LHFPL3: variants seen among roughly 807,000 people sequenced by gnomAD.
The protein encoded by LHFPL3 is LHFPL tetraspan subfamily member 3 protein.
Under a neutral mutation model 19.3 loss-of-function variants are expected in LHFPL3, and 5 were observed. The observed-to-expected ratio is 0.26, with a 90% confidence interval of 0.14 to 0.54. The LOEUF is 0.54. Ranked by LOEUF, LHFPL3 falls within the 20% of genes least tolerant of loss-of-function variation. The pLI is 0.94. For missense variants in LHFPL3, 249 were observed against 307.4 expected (o/e 0.81, Z 1.42); for synonymous variants, 133 against 126.2 (o/e 1.05, Z -0.36).
chr7:104,874,070 G>C (rs1035174878), intron 2 of LHFPL3, among the ~76,000 whole-genome samples: 2 of 152,228 alleles, frequency 1.3e-5, no homozygotes, highest in Admixed American at 6.5e-5. Context: ...GGCATACCCA[G>C]AAATGTGCTA....
At chr7:104,662,006 C>T (rs978026299) in intron 1 of LHFPL3, among the ~76,000 whole-genome samples, 4 of 152,128 alleles carry the variant, frequency 2.6e-5, no homozygotes, top group East Asian at 2.0e-4. Context: ...GTAGCATCTA[C>T]GGCATGGATC....
chr7:104,690,789 A>G (rs1319908621), intron 1 of LHFPL3, among the ~76,000 whole-genome samples: 1 of 152,204 alleles, frequency 6.6e-6, no homozygotes, highest in Non-Finnish European at 1.5e-5. Context: ...ACTCCAGCCC[A>G]TTTATTGAGT....
rs117276923 is a variant in LHFPL3 at position 104,821,425 on chromosome 7, T to C, written c.682+84514T>C. Among the ~76,000 whole-genome samples the C allele has an allele frequency of 4.8e-3, 726 of 152,340 alleles. 1 individual carries two copies. The highest frequency in any genetic ancestry group is 9.0e-3 in the Non-Finnish European group (610 of 68,026). Reference sequence around the variant, plus strand: ...TGGGCAAGAGCCGGTTTCATGCAGATTCACTGTCAAGTGAAGGCTGAGGTA... The same window carrying C: ...TGGGCAAGAGCCGGTTTCATGCAGACTCACTGTCAAGTGAAGGCTGAGGTA... On this transcript the variant is annotated intron_variant, in intron 2 of 2. Transcript: ENST00000424859.
chr7:104,463,686 A>G (rs1290781152), intron 1 of LHFPL3, among the ~76,000 whole-genome samples: 1 of 152,218 alleles, frequency 6.6e-6, no homozygotes, highest in African/African-American at 2.4e-5. Context: ...AGCCCCTTAT[A>G]AAATGATCAG....
At chr7:104,619,375 A>T (rs1791402811) in intron 1 of LHFPL3, among the ~76,000 whole-genome samples, 1 of 152,096 alleles carries the variant, frequency 6.6e-6, no homozygotes, top group African/African-American at 2.4e-5. Context: ...AAAACTTCTA[A>T]TGTAATGCCA....
At chr7:104,654,834 A>T (rs1584463177) in intron 1 of LHFPL3, among the ~76,000 whole-genome samples, 1 of 152,198 alleles carries the variant, frequency 6.6e-6, no homozygotes, top group Admixed American at 6.5e-5. Flanking sequence ...TCTTCACCCC[A>T]CCAGCCCCTT....
chr7:104,588,525 T>C (rs914854334), intron 1 of LHFPL3, among the ~76,000 whole-genome samples: 15 of 152,166 alleles, frequency 9.9e-5, no homozygotes, highest in Non-Finnish European at 2.1e-4. Flanking sequence ...TGTAGCCTTG[T>C]AGTGTAGTTT....
At chr7:104,495,103 TA>T (rs1470902913) in intron 1 of LHFPL3, among the ~76,000 whole-genome samples, 1 of 152,236 alleles carries the variant, frequency 6.6e-6, no homozygotes, top group Non-Finnish European at 1.5e-5. Context: ...CTTTCTCTCC[TA>T]ATGGGTTTCC....
intron 2 of LHFPL3, among the ~76,000 whole-genome samples, chr7:104,743,160 G>C (rs1209023876): frequency 6.6e-6 from 1 of 151,900 alleles, no homozygotes; most frequent in Non-Finnish European, 1.5e-5. Context: ...AAGGGGAAGG[G>C]GCTCTAGGAT....
intron 1 of LHFPL3, among the ~76,000 whole-genome samples, chr7:104,444,361 T>G (rs1449501626): frequency 6.6e-6 from 1 of 152,216 alleles, no homozygotes; most frequent in Non-Finnish European, 1.5e-5. Flanking sequence ...AGGTTGTGAT[T>G]GCACTGAAAT....
chr7:104,403,916 G>A (rs1419779855), intron 1 of LHFPL3, among the ~76,000 whole-genome samples: 1 of 152,126 alleles, frequency 6.6e-6, no homozygotes, highest in Non-Finnish European at 1.5e-5. Flanking sequence ...TTAAATGGCT[G>A]AAAAAATTTT....
At chr7:104,872,343 A>C (rs1246527577) in intron 2 of LHFPL3, among the ~76,000 whole-genome samples, 2 of 150,278 alleles carry the variant, frequency 1.3e-5, no homozygotes, top group African/African-American at 2.5e-5. Context: ...TCTCAAACAA[A>C]AAAAAAAAAG....
At position 104,576,048 on chromosome 7, in the gene LHFPL3, T is replaced by C. The variant is rs78173313; in HGVS notation, c.446-160627T>C. Among the ~76,000 whole-genome samples, 71 of 152,184 alleles carry C rather than the reference T, an allele frequency of 4.7e-4. 3 individuals are homozygous for C. The East Asian group carries it at 0.014, about 29-fold the overall frequency. ...TAGAACTGCAGTGCCTAATTTACGT[T>C]TGACATTCCTAAGTCAATGAATGAT... On this transcript the variant is annotated intron_variant, in intron 1 of 2. Coordinates refer to ENST00000424859, the MANE Select transcript of LHFPL3 (RefSeq NM_199000.3).
chr7:104,424,552 A>G (rs970943989), intron 1 of LHFPL3, among the ~76,000 whole-genome samples: 4 of 152,158 alleles, frequency 2.6e-5, no homozygotes, highest in Non-Finnish European at 5.9e-5. Flanking sequence ...AAATCCATAT[A>G]CTGCTTAATT....
At chr7:104,355,520 A>G (rs1790256046) in intron 1 of LHFPL3, among the ~76,000 whole-genome samples, 1 of 152,160 alleles carries the variant, frequency 6.6e-6, no homozygotes, top group African/African-American at 2.4e-5. Context: ...TTAGTGAACA[A>G]TTGCTTGTTG....
rs74893186 is a variant in LHFPL3 at position 104,758,525 on chromosome 7, A to G, written c.682+21614A>G. On this transcript the variant is annotated intron_variant, in intron 2 of 2. Transcript: ENST00000424859. The stretch of plus-strand genomic sequence containing the variant: ...TTCAGTTCTACCCACTGTGGCTAGC[A>G]TAGTGCCTGGCATCAAGCAGGTGTC... 4.6e-3 allele frequency among the ~76,000 whole-genome samples: 695 copies of G among 152,276 alleles called. 30 individuals carry two copies. The East Asian group carries it at 0.1, about 22-fold the overall frequency.
At chr7:104,672,563 C>A (rs1792505853) in intron 1 of LHFPL3, among the ~76,000 whole-genome samples, 1 of 152,230 alleles carries the variant, frequency 6.6e-6, no homozygotes, top group Admixed American at 6.5e-5. Flanking sequence ...TTTCCTGTGT[C>A]TTATACAGTC....
At chr7:104,351,278 T>C (rs2116389654) in intron 1 of LHFPL3, among the ~76,000 whole-genome samples, 1 of 152,250 alleles carries the variant, frequency 6.6e-6, no homozygotes, top group East Asian at 1.9e-4. Context: ...CTTCTTCACC[T>C]TGAGTCTGAT....
intron 1 of LHFPL3, among the ~76,000 whole-genome samples, chr7:104,684,760 C>T (rs1792774171): frequency 6.6e-6 from 1 of 152,308 alleles, no homozygotes; most frequent in African/African-American, 2.4e-5. Flanking sequence ...ACACTCTACC[C>T]TGCCATTCCC....
Sources: allele counts gnomAD v4.1 joint callset (sites outside exome capture counted in the v4.1 genomes callset), GRCh38; gene constraint gnomAD v4.1.1; transcripts MANE v1.5; gene names NCBI Gene and HGNC (gene_info 2026-07-23, HGNC 2026-07-21).